The following MICAL2 variants were observed in gnomAD, a reference collection of about 807,000 sequenced individuals.
MICAL2 encodes microtubule associated monooxygenase, calponin and LIM domain containing 2, also known as [F-actin]-monooxygenase MICAL2.
In MICAL2, 77 loss-of-function variants were observed where a neutral mutation model predicts 127.3. The observed-to-expected ratio is 0.60, with a 90% CI of 0.50 to 0.73. MICAL2 has a LOEUF of 0.73. Ranked by LOEUF, MICAL2 falls within the 30% of genes least tolerant of loss-of-function variation. The pLI, the probability that MICAL2 is intolerant of heterozygous loss-of-function variation, is 0.00. For synonymous variants in MICAL2, 570 were observed against 551.1 expected (o/e 1.03, Z -0.48); for missense variants, 1,351 against 1,434.4 (o/e 0.94, Z 0.94).
At chr11:12,323,753 C>A (rs1218512936) in intron 30 of MICAL2, among the ~76,000 whole-genome samples, 1 of 152,186 alleles carries the variant, frequency 6.6e-6, no homozygotes, top group Non-Finnish European at 1.5e-5. Context: ...ACACTCACTT[C>A]AAGTGTCCAC....
chr11:12,319,836 A>T lies in MICAL2; in HGVS notation c.5328+25A>T, dbSNP rs372944308. 3.2e-6 allele frequency: 5 copies of T among 1,569,626 alleles called. No individual in the cohort carries two copies. The East Asian group carries it at 1.1e-4, about 35-fold the overall frequency. ...GGTAACAACACTTGACCAGCCAAAG[A>T]GGGCCTTGGCTGGTGGGGGCTGCTT... On this transcript the variant is annotated intron_variant, in intron 30 of 34. Transcript: ENST00000646065.
At position 12,258,566 on chromosome 11, in the gene MICAL2, T is replaced by G; in HGVS notation, c.3231+10T>G. ...GAAGCAACAAAGAGAGGTATGTTTG[T>G]CTCAAACATGCTGGTGAAACGGGGA... On this transcript the variant is annotated intron_variant, in intron 25 of 27. Coordinates refer to ENST00000683283, the MANE Select transcript of MICAL2 (RefSeq NM_001282663.2). 1 of 1,609,466 alleles carries G rather than the reference T, an allele frequency of 6.2e-7. No homozygotes were observed. The highest frequency in any genetic ancestry group is 8.5e-7 in the Non-Finnish European group (1 of 1,176,424).
At chr11:12,349,816 T>C (rs912794753) in intron 32 of MICAL2, 2 of 1,610,804 alleles carry the variant, frequency 1.2e-6, no homozygotes, top group Admixed American at 3.3e-5. Context: ...TCTAACCCAT[T>C]TGCTGTTGAT....
At chr11:12,171,214 C>G (rs1455902266) in intron 3 of MICAL2, among the ~76,000 whole-genome samples, 1 of 152,134 alleles carries the variant, frequency 6.6e-6, no homozygotes. Context: ...GAAGACTGAG[C>G]CTCCCTTTTC....
chr11:12,198,402 T>C (rs753305597), intron 3 of MICAL2, among the ~76,000 whole-genome samples: 1 of 152,174 alleles, frequency 6.6e-6, no homozygotes, highest in Non-Finnish European at 1.5e-5. Context: ...GGGGTGAGGC[T>C]GTGCAGCCAG....
At chr11:12,278,259 AAC>A (rs1466015101) in intron 1 of MICAL2, among the ~76,000 whole-genome samples, 3 of 152,272 alleles carry the variant, frequency 2.0e-5, no homozygotes, top group Admixed American at 6.5e-5. Flanking sequence ...TTATTGTAGT[AAC>A]ACAGCTTAAA....
At chr11:12,189,971 G>A (rs1671448465) in intron 3 of MICAL2, among the ~76,000 whole-genome samples, 3 of 152,254 alleles carry the variant, frequency 2.0e-5, no homozygotes, top group South Asian at 2.1e-4. Context: ...TCGGGATGGT[G>A]TAGGATTGGA....
At chr11:12,241,253 A>G (rs114168409) in intron 18 of MICAL2, 91 bp downstream of exon 18, 11 of 1,469,792 alleles carry the variant, frequency 7.5e-6, no homozygotes, top group Non-Finnish European at 8.2e-6. Flanking sequence ...CCACACCCCA[A>G]GTAGGGCTGA....
At chr11:12,308,787 A>G (rs2134818958) in intron 29 of MICAL2, among the ~76,000 whole-genome samples, 1 of 152,282 alleles carries the variant, frequency 6.6e-6, no homozygotes, top group Middle Eastern at 3.4e-3. Context: ...AAGTGGTGAT[A>G]GTGTACACCA....
chr11:12,220,776 C>T (rs1234964246), intron 9 of MICAL2, among the ~76,000 whole-genome samples: 2 of 152,216 alleles, frequency 1.3e-5, no homozygotes, highest in Admixed American at 6.5e-5. Flanking sequence ...TGTGGACCCT[C>T]AGCTGGGCCG....
At chr11:12,217,808 A>T (rs950595499) in intron 8 of MICAL2, among the ~76,000 whole-genome samples, 2 of 152,052 alleles carry the variant, frequency 1.3e-5, no homozygotes, top group African/African-American at 4.8e-5. Context: ...GGCCCCTGGG[A>T]GCAGCTCCTG....
At chr11:12,189,721 G>A (rs112069238) in intron 3 of MICAL2, among the ~76,000 whole-genome samples, 33 of 152,264 alleles carry the variant, frequency 2.2e-4, no homozygotes, top group East Asian at 7.8e-4. Flanking sequence ...GTGGGCTTCC[G>A]CAGGCAGCCT....
At chr11:12,347,479 T>C (rs1938973838) in intron 32 of MICAL2, among the ~76,000 whole-genome samples, 1 of 152,158 alleles carries the variant, frequency 6.6e-6, no homozygotes, top group Non-Finnish European at 1.5e-5. Context: ...AGGTGTCTGA[T>C]AGATAGATGT....
intron 2 of MICAL2, among the ~76,000 whole-genome samples, chr11:12,155,434 A>G (rs1400421789): frequency 6.6e-6 from 1 of 152,158 alleles, no homozygotes; most frequent in African/African-American, 2.4e-5. Flanking sequence ...ACAAACATGC[A>G]TATATACACA....
At chr11:12,170,455 A>T (rs1044576283) in intron 3 of MICAL2, among the ~76,000 whole-genome samples, 2 of 152,180 alleles carry the variant, frequency 1.3e-5, no homozygotes, top group Non-Finnish European at 2.9e-5. Context: ...TCTCAAAAAA[A>T]TAAAAATAAA....
At chr11:12,266,939 T>C (rs772553983), downstream of MICAL2, among the ~76,000 whole-genome samples, 1 of 152,254 alleles carries the variant, frequency 6.6e-6, no homozygotes, top group Non-Finnish European at 1.5e-5. Flanking sequence ...TTGCACAGCA[T>C]AGAGCGCCCA....
intron 2 of MICAL2, among the ~76,000 whole-genome samples, chr11:12,160,276 C>G (rs1854628983): frequency 6.6e-6 from 1 of 152,180 alleles, no homozygotes; most frequent in Non-Finnish European, 1.5e-5. Context: ...TGTTCTTCCC[C>G]CTTCTCTTCC....
intron 23 of MICAL2, 118 bp from the exon 24 acceptor site, chr11:12,256,666 AG>A: frequency 1.1e-6 from 1 of 926,466 alleles, no homozygotes; most frequent in South Asian, 1.8e-5. Context: ...TGGCAGTAGC[AG>A]GAAGCAGAAG....
intron 3 of MICAL2, 22 bp from the exon 4 acceptor site, chr11:12,204,228 C>T (rs772291128): frequency 6.2e-7 from 1 of 1,609,470 alleles, no homozygotes; most frequent in East Asian, 2.2e-5. Flanking sequence ...CCAAGAGTCT[C>T]TCTCCTCTCT....
Sources: gnomAD v4.1 joint callset for allele counts (sites outside exome capture counted in the v4.1 genomes callset) on GRCh38, gnomAD v4.1.1 for gene constraint, MANE v1.5 for transcripts, NCBI Gene and HGNC (gene_info 2026-07-23, HGNC 2026-07-21) for gene names.